Variants in ABCA12 observed in about 807,000 individuals in gnomAD.
The protein encoded by ABCA12 is ATP binding cassette subfamily A member 12, also known as glucosylceramide transporter ABCA12.
A neutral mutation model predicts 293.5 loss-of-function variants in ABCA12; 156 were observed. The observed-to-expected ratio is 0.53, with a 90% CI of 0.47 to 0.61. The LOEUF (loss-of-function observed/expected upper bound fraction) is 0.61, where lower values mean the gene tolerates loss of function less well. Ranked by LOEUF, ABCA12 falls within the 20% of genes least tolerant of loss-of-function variation. The pLI is 0.00. For missense variants in ABCA12, 2,797 were observed against 3,090.2 expected, an observed-to-expected ratio of 0.91 and a Z score of 2.25; for synonymous variants, 1,063 against 1,108.0, an observed-to-expected ratio of 0.96 and a Z score of 0.81.
intron 2 of ABCA12, among the ~76,000 whole-genome samples, chr2:215,095,524 C>G (rs1290721945): frequency 2.0e-5 from 3 of 152,138 alleles, no homozygotes; most frequent in Non-Finnish European, 4.4e-5. Flanking sequence ...ATTCTAGGTT[C>G]CCACACCTCC....
intron 23 of ABCA12, among the ~76,000 whole-genome samples, chr2:214,995,852 A>G (rs1700021563): frequency 6.6e-6 from 1 of 152,130 alleles, no homozygotes; most frequent in African/African-American, 2.4e-5. Flanking sequence ...GGGGAAAATC[A>G]ATGTCTTAGA....
intron 1 of ABCA12, among the ~76,000 whole-genome samples, chr2:215,129,499 C>T (rs1052132756): frequency 6.6e-6 from 1 of 152,138 alleles, no homozygotes; most frequent in Non-Finnish European, 1.5e-5. Context: ...AGAATTTTTT[C>T]ATGTGTTGGT....
rs1003585968 is a variant in ABCA12 at position 215,064,234 on chromosome 2, A to C, written c.164-15T>G. On this transcript the variant is annotated splice_polypyrimidine_tract_variant and intron_variant, in intron 2 of 52. Coordinates refer to ENST00000272895, the MANE Select transcript of ABCA12 (RefSeq NM_173076.3). ...TGCGAGGTAACCTAAAATTAAAAAA[A>C]CAGTCATTACATCAGTATGGCACAT... 3 of 1,611,644 alleles carry C rather than the reference A, an allele frequency of 1.9e-6. No homozygotes were observed. Among genetic ancestry groups the C allele is most frequent in the Non-Finnish European group, 2.5e-6 (3 of 1,178,484 alleles).
chr2:214,947,787 C>G, intron 47 of ABCA12: 1 of 537,258 alleles, frequency 1.9e-6, no homozygotes, highest in Admixed American at 3.2e-5. Context: ...ATGGGATTCC[C>G]TCCCCCACCA....
At chr2:214,934,582 T>C (rs1437242174) in intron 51 of ABCA12, among the ~76,000 whole-genome samples, 2 of 152,208 alleles carry the variant, frequency 1.3e-5, no homozygotes, top group African/African-American at 2.4e-5. Context: ...AATTTCATTT[T>C]TGTGTTAGAA....
At chr2:215,040,267 G>C (rs1035148826) in intron 7 of ABCA12, among the ~76,000 whole-genome samples, 1 of 151,834 alleles carries the variant, frequency 6.6e-6, no homozygotes, top group Admixed American at 6.6e-5. Flanking sequence ...CTATCAAAAA[G>C]GCAAACTATA....
At chr2:215,015,706 G>C (rs199886366) in intron 14 of ABCA12, 43 bp from the exon 15 acceptor site, 14 of 1,573,974 alleles carry the variant, frequency 8.9e-6, no homozygotes, top group South Asian at 8.9e-5. Flanking sequence ...TGAATCATTC[G>C]AGAGTCAACT....
intron 51 of ABCA12, among the ~76,000 whole-genome samples, chr2:214,934,698 C>A (rs748617788): frequency 6.6e-6 from 1 of 152,152 alleles, no homozygotes; most frequent in South Asian, 2.1e-4. Flanking sequence ...CTTTTCCCAA[C>A]TCACCCTAAA....
intron 11 of ABCA12, among the ~76,000 whole-genome samples, chr2:215,025,007 GACA>G (rs1356201462): frequency 1.3e-5 from 2 of 151,934 alleles, no homozygotes; most frequent in African/African-American, 4.8e-5. Context: ...AGCTTCTGAT[GACA>G]ACAATAAAAG....
intron 1 of ABCA12, among the ~76,000 whole-genome samples, chr2:215,132,409 C>A (rs1703079084): frequency 6.6e-6 from 1 of 151,852 alleles, no homozygotes; most frequent in South Asian, 2.1e-4. Context: ...TTTTGTAAAG[C>A]TGGGTGCTTC....
intron 14 of ABCA12, chr2:215,017,749 G>A (rs968429317): frequency 2.3e-6 from 1 of 438,312 alleles, no homozygotes; most frequent in South Asian, 2.3e-5. Flanking sequence ...GCCATCTGGG[G>A]GTAAGGAAAA....
chr2:215,089,025 A>G (rs1463365400), intron 2 of ABCA12, among the ~76,000 whole-genome samples: 1 of 152,162 alleles, frequency 6.6e-6, no homozygotes, highest in East Asian at 1.9e-4. Context: ...TGCCAGGCAC[A>G]TTGAAAGAGC....
At chr2:215,031,723 A>G (rs1039296063) in intron 9 of ABCA12, 98 bp downstream of exon 9, 7 of 1,440,840 alleles carry the variant, frequency 4.9e-6, no homozygotes, top group East Asian at 2.3e-5. Context: ...TTTCTATTCC[A>G]TGCTTATATA....
chr2:215,066,698 T>C (rs186113821), intron 2 of ABCA12, among the ~76,000 whole-genome samples: 12 of 152,252 alleles, frequency 7.9e-5, no homozygotes, highest in African/African-American at 2.9e-4. Flanking sequence ...TTTTTGATAA[T>C]GGATTTTTAA....
In ABCA12 at chr2:215,001,637, G is replaced by T. The variant is rs1382564510; in HGVS notation, c.2784C>A (p.Asp928Glu). The T allele has an allele frequency of 6.2e-7, 1 of 1,613,708 alleles. No individual in the cohort carries two copies. The highest frequency in any genetic ancestry group is 2.2e-5 in the East Asian group (1 of 44,812). ...CTATGGTTTTTGCTGCCTGAATACG[G>T]TCATATAATACACAAGAGGAAATAT... is the stretch of plus-strand genomic sequence containing the variant. The part of the protein sequence containing the change: ...TVNISSCVLY[D>E]RIQAAKTIDE... Residue 928 changes from aspartate (D) to glutamate (E), a missense_variant, in exon 21 of 53, where the codon GAC becomes GAA. Asp to Glu is a conservative substitution (Grantham distance 45). Coordinates refer to ENST00000272895, the MANE Select transcript of ABCA12 (RefSeq NM_173076.3).
chr2:215,111,455 C>A, intron 2 of ABCA12, 142 bp downstream of exon 2: 1 of 593,446 alleles, frequency 1.7e-6, no homozygotes, highest in South Asian at 2.3e-5. Context: ...GGGTAAAAAA[C>A]ACACAAATTG....
In ABCA12 at chr2:214,987,645, A is replaced by G. The variant is rs748466906; in HGVS notation, c.3976+2T>C. 4 of 1,611,196 alleles carry G rather than the reference A, an allele frequency of 2.5e-6. No individual in the cohort carries two copies. Among genetic ancestry groups the G allele is most frequent in the Non-Finnish European group, 3.4e-6 (4 of 1,177,570 alleles). ...AGCACGCTGTTGACCGACTTGTCTT[A>G]CTGGCAGATGGGTTGGTGTTCTGCA... On this transcript the variant is annotated splice_donor_variant, in intron 27 of 52. Coordinates refer to ENST00000272895, the MANE Select transcript of ABCA12 (RefSeq NM_173076.3). LOFTEE classifies it high-confidence loss of function.
At chr2:215,081,689 A>C (rs1299407489) in intron 2 of ABCA12, among the ~76,000 whole-genome samples, 2 of 152,136 alleles carry the variant, frequency 1.3e-5, no homozygotes, top group African/African-American at 4.8e-5. Context: ...CCAAACTAAC[A>C]CATGAAATTA....
At chr2:215,133,827 CTAAG>C (rs1165317016) in intron 1 of ABCA12, among the ~76,000 whole-genome samples, 1 of 151,826 alleles carries the variant, frequency 6.6e-6, no homozygotes, top group Non-Finnish European at 1.5e-5. Context: ...CTTTGGTGGG[CTAAG>C]TGTTAAGTGG....
Sources: gnomAD v4.1 joint callset for allele counts (sites outside exome capture counted in the v4.1 genomes callset) on GRCh38, gnomAD v4.1.1 for gene constraint, MANE v1.5 for transcripts, NCBI Gene and HGNC (gene_info 2026-07-23, HGNC 2026-07-21) for gene names.